TBC1D8: variants seen among roughly 807,000 people sequenced by gnomAD.
TBC1D8 encodes the protein BUB2-like protein 1.
Under a neutral mutation model 118.8 loss-of-function variants are expected in TBC1D8, and 65 were observed. The observed-to-expected ratio is 0.55, with a 90% CI of 0.45 to 0.67. The LOEUF (loss-of-function observed/expected upper bound fraction) is 0.67. Ranked by LOEUF, TBC1D8 falls within the 30% of genes least tolerant of loss-of-function variation. The pLI is 0.00. For synonymous variants in TBC1D8, 566 were observed against 595.8 expected, an observed-to-expected ratio of 0.95 and a Z score of 0.73; for missense variants, 1,376 against 1,471.2, an observed-to-expected ratio of 0.94 and a Z score of 1.06.
chr2:101,010,957 G>T lies in TBC1D8; in HGVS notation c.2987C>A (p.Thr996Asn). 3.1e-6 allele frequency: 5 copies of T among 1,612,482 alleles called. No individual in the cohort carries two copies. The highest frequency in any genetic ancestry group is 2.5e-6 in the Non-Finnish European group (3 of 1,179,826). The change falls in exon 19 of 20, where the codon ACT becomes AAT. Residue 996 changes from threonine to asparagine, a missense_variant. Coordinates refer to ENST00000409318, the MANE Select transcript of TBC1D8 (RefSeq NM_001330348.2). ...GCTCATTTTGGGCAATTCTTTCTCA[G>T]TTTTATCTTTTTCTTTGGCTAAATC... Reference protein sequence around the residue: ...IKDLAKEKDKTEKELPKMSQR... With the variant: ...IKDLAKEKDKNEKELPKMSQR...
intron 2 of TBC1D8, among the ~76,000 whole-genome samples, chr2:101,065,123 C>A (rs899412503): frequency 3.3e-5 from 5 of 152,180 alleles, no homozygotes; most frequent in African/African-American, 1.2e-4. Context: ...ATGGACACTG[C>A]CACAAAGAAC....
chr2:101,071,252 G>C (rs1361800562), intron 2 of TBC1D8, among the ~76,000 whole-genome samples: 1 of 152,184 alleles, frequency 6.6e-6, no homozygotes, highest in East Asian at 1.9e-4. Flanking sequence ...GGCTGAGGCA[G>C]GAGAATGGTG....
chr2:101,140,507 A>G (rs560483908), intron 1 of TBC1D8, among the ~76,000 whole-genome samples: 9 of 152,190 alleles, frequency 5.9e-5, no homozygotes, highest in Non-Finnish European at 7.4e-5. Context: ...CCTGATCGCC[A>G]CTACCCAAAC....
At chr2:101,111,799 A>G (rs924257949) in intron 1 of TBC1D8, among the ~76,000 whole-genome samples, 1 of 152,200 alleles carries the variant, frequency 6.6e-6, no homozygotes, top group African/African-American at 2.4e-5. Context: ...GATGAAAAGA[A>G]TCCTGAAGAT....
intron 6 of TBC1D8, among the ~76,000 whole-genome samples, chr2:101,038,881 C>A (rs925104319): frequency 2.6e-5 from 4 of 152,008 alleles, no homozygotes; most frequent in East Asian, 1.9e-4. Context: ...CATACATCGG[C>A]GTATGACCCA....
chr2:101,018,149 C>T (rs1427497654), intron 17 of TBC1D8: 2 of 510,148 alleles, frequency 3.9e-6, no homozygotes, highest in Admixed American at 6.8e-5. Flanking sequence ...TTCCCTCATT[C>T]ATACAGATAT....
intron 1 of TBC1D8, among the ~76,000 whole-genome samples, chr2:101,101,492 T>C (rs1264637215): frequency 6.6e-6 from 1 of 152,200 alleles, no homozygotes; most frequent in African/African-American, 2.4e-5. Flanking sequence ...AGTATGGCAA[T>C]TCCTCAAGGA....
chr2:101,055,596 A>C (rs936708643), intron 3 of TBC1D8, among the ~76,000 whole-genome samples: 9 of 152,128 alleles, frequency 5.9e-5, no homozygotes, highest in Non-Finnish European at 1.3e-4. Context: ...TTTTTGCCAA[A>C]ACTGAGTAAC....
intron 11 of TBC1D8, 121 bp from the exon 12 acceptor site, chr2:101,029,897 G>C (rs12472882): frequency 0.3 from 301,759 of 1,021,116 alleles, 46,922 homozygotes; most frequent in Middle Eastern, 0.38. Context: ...CCAGAAAAGC[G>C]TCCATGCTTA....
intron 12 of TBC1D8, 86 bp downstream of exon 12, chr2:101,029,405 A>AAC: frequency 6.8e-7 from 1 of 1,466,514 alleles, no homozygotes; most frequent in Non-Finnish European, 9.1e-7. Context: ...AAAAAAAAAA[A>AAC]AAAACTTCCC....
chr2:101,028,562 G>A, intron 12 of TBC1D8, 130 bp from the exon 13 acceptor site: 2 of 1,326,246 alleles, frequency 1.5e-6, no homozygotes, highest in Admixed American at 2.4e-5. Flanking sequence ...CAAGGCTGCA[G>A]CTGCTCGGCT....
At position 101,033,606 on chromosome 2, in the gene TBC1D8, C is replaced by T; in HGVS notation, c.1756G>A (p.Ala586Thr). The change falls in exon 10 of 20, where the codon GCT becomes ACT. Residue 586 changes from alanine to threonine, a missense_variant. Physicochemically the swap from Ala to Thr is moderately conservative, Grantham distance 58. Transcript: ENST00000409318. ...HPAFQNETGI[A>T]ALRRVLTAYA... The stretch of plus-strand genomic sequence containing the variant: ...GCCGTCAAGACTCTCCTCAAAGCAG[C>T]AATTCCCGTTTCGTTCTGGAAGGCG... 1 of 1,613,966 alleles carries T rather than the reference C, an allele frequency of 6.2e-7. No individual in the cohort carries two copies. The highest frequency in any genetic ancestry group is 8.5e-7 in the Non-Finnish European group (1 of 1,179,888).
intron 1 of TBC1D8, among the ~76,000 whole-genome samples, chr2:101,100,050 T>C (rs1262902144): frequency 2.0e-5 from 3 of 152,060 alleles, no homozygotes; most frequent in Non-Finnish European, 4.4e-5. Flanking sequence ...GGTATTCAAA[T>C]AGAAGAGAGG....
At chr2:101,131,343 T>A (rs1230077656) in intron 1 of TBC1D8, among the ~76,000 whole-genome samples, 1 of 151,608 alleles carries the variant, frequency 6.6e-6, no homozygotes, top group South Asian at 2.1e-4. Context: ...AGAAAACCCA[T>A]CTCTACTAAA....
rs542033652 is a variant in TBC1D8 at position 101,012,639 on chromosome 2, C to A, written c.2828-1099G>T. ...CTCTGAATATACAAAAAAAAAAAAA[C>A]CCATTGAATTGTACGCTTTAAACGG... On this transcript the variant is annotated intron_variant, in intron 17 of 19. Transcript: ENST00000409318. 3.7e-4 allele frequency among the ~76,000 whole-genome samples: 56 copies of A among 150,860 alleles called. 2 individuals are homozygous for A. The South Asian group carries it at 9.0e-3, about 24-fold the overall frequency.
At chr2:101,142,954 C>A (rs1391158055) in intron 1 of TBC1D8, among the ~76,000 whole-genome samples, 1 of 152,128 alleles carries the variant, frequency 6.6e-6, no homozygotes, top group Non-Finnish European at 1.5e-5. Flanking sequence ...TACTCTTATG[C>A]ACACCGAAAA....
intron 10 of TBC1D8, 199 bp from the exon 11 acceptor site, chr2:101,032,584 G>A (rs1172466991): frequency 1.3e-5 from 7 of 524,000 alleles, no homozygotes; most frequent in South Asian, 1.1e-4. Flanking sequence ...CCAGCTGAGC[G>A]ATCGGCCACC....
In TBC1D8 at chr2:101,054,429, C is replaced by T. The variant is rs573605643; in HGVS notation, c.403-93G>A. 13 of 1,297,990 alleles carry T rather than the reference C, an allele frequency of 1.0e-5. No individual in the cohort carries two copies. In the African/African-American group the frequency reaches 1.0e-4, roughly 10 times the overall value. The allele number at this position is 1,297,990 out of a possible 1,614,324, so 80.4% of individuals were successfully genotyped here. ...AGGAAGCAGGAGGGACTGAGGTGCA[C>T]AGGCCCCCGAGAAGTGTGCGCTGCT... On this transcript the variant is annotated intron_variant, in intron 3 of 19. Coordinates refer to ENST00000409318, the MANE Select transcript of TBC1D8 (RefSeq NM_001330348.2).
chr2:101,048,456 A>G (rs1310460839), intron 5 of TBC1D8, among the ~76,000 whole-genome samples: 1 of 152,116 alleles, frequency 6.6e-6, no homozygotes, highest in Non-Finnish European at 1.5e-5. Flanking sequence ...GCACCCCCTC[A>G]CCCTCCATCT....
Sources: allele counts gnomAD v4.1 joint callset (sites outside exome capture counted in the v4.1 genomes callset), GRCh38; gene constraint gnomAD v4.1.1; transcripts MANE v1.5; gene names NCBI Gene and HGNC (gene_info 2026-07-23, HGNC 2026-07-21).